The following MAK variants were observed in gnomAD, a reference collection of about 807,000 sequenced individuals.
MAK encodes the protein serine/threonine-protein kinase MAK.
Under a neutral mutation model 82.6 loss-of-function variants are expected in MAK, and 65 were observed. The observed-to-expected ratio is 0.79, with a 90% confidence interval of 0.64 to 0.97. The LOEUF is 0.97. Ranked by LOEUF, MAK falls within the 50% of genes least tolerant of loss-of-function variation. The pLI is 0.00. For missense variants in MAK, 703 were observed against 780.2 expected (o/e 0.90, Z 1.18); for synonymous variants, 250 against 274.2 (o/e 0.91, Z 0.87).
At chr6:10,803,588 G>T in intron 7 of MAK, 132 bp downstream of exon 7, 3 of 694,048 alleles carry the variant, frequency 4.3e-6, no homozygotes, top group Non-Finnish European at 4.9e-6. Flanking sequence ...ATTAAAGTAT[G>T]AGCCTATTTC....
At chr6:10,783,359 T>C (rs1460358799) in intron 11 of MAK, among the ~76,000 whole-genome samples, 1 of 152,128 alleles carries the variant, frequency 6.6e-6, no homozygotes, top group African/African-American at 2.4e-5. Context: ...CAGGCGCCCA[T>C]TAGATGGATC....
chr6:10,815,911 A>AATATATATATATATATATATATAT (rs1561991497), intron 4 of MAK, among the ~76,000 whole-genome samples: 6 of 78,186 alleles, frequency 7.7e-5, no homozygotes, highest in South Asian at 4.1e-4. Flanking sequence ...AGCTTTATAC[A>AATATATATATATATATATATATAT]GTATATATAT....
At chr6:10,802,998 C>T (rs751151423) in intron 7 of MAK, among the ~76,000 whole-genome samples, 11 of 152,058 alleles carry the variant, frequency 7.2e-5, no homozygotes, top group Non-Finnish European at 1.6e-4. Flanking sequence ...AAACAAGAAA[C>T]GGTTAAGAAA....
At chr6:10,836,510 A>T (rs1314908617) in intron 1 of MAK, among the ~76,000 whole-genome samples, 1 of 152,192 alleles carries the variant, frequency 6.6e-6, no homozygotes, top group African/African-American at 2.4e-5. Flanking sequence ...CACATAAGCA[A>T]CTACTTTTAT....
chr6:10,796,707 G>A (rs1307254712), intron 8 of MAK, among the ~76,000 whole-genome samples: 1 of 151,688 alleles, frequency 6.6e-6, no homozygotes, highest in African/African-American at 2.4e-5. Flanking sequence ...ACGGGAGGGT[G>A]AGGCATGAGA....
At chr6:10,820,066 C>T (rs753795238) in intron 2 of MAK, among the ~76,000 whole-genome samples, 14 of 150,286 alleles carry the variant, frequency 9.3e-5, no homozygotes, top group Non-Finnish European at 1.5e-4. Flanking sequence ...GAGCCGAGAT[C>T]GCGCCACTGC....
At chr6:10,814,015 G>T (rs1306431325) in intron 4 of MAK, among the ~76,000 whole-genome samples, 2 of 151,752 alleles carry the variant, frequency 1.3e-5, no homozygotes, top group Admixed American at 1.3e-4. Flanking sequence ...TGTTGCACAG[G>T]CTGGAGTGCA....
At position 10,780,258 on chromosome 6, in the gene MAK, T is replaced by C. The variant is rs1046507840; in HGVS notation, c.1465+4166A>G. On this transcript the variant is annotated intron_variant, in intron 11 of 14. Coordinates refer to ENST00000354489, the MANE Select transcript of MAK (RefSeq NM_001242957.3). ...ATCCCAAGTAATTTGCAGACTTTGTTAGATTTCTAGTTAAAAAGGAAATGA... is the reference window on the plus strand; with the variant it reads ...ATCCCAAGTAATTTGCAGACTTTGTCAGATTTCTAGTTAAAAAGGAAATGA... 25 of 983,008 alleles carry C rather than the reference T, an allele frequency of 2.5e-5. No homozygotes were observed. The African/African-American group carries it at 4.0e-4, about 16-fold the overall frequency. 60.9% of individuals were successfully genotyped at this position (983,008 alleles called of 1,614,324 possible).
chr6:10,813,120 ATATATATATATATAAATTTTTTTTTTTTT>A (rs1777139082), intron 5 of MAK, among the ~76,000 whole-genome samples: 8 of 1,588 alleles, frequency 5.0e-3, no homozygotes, highest in African/African-American at 0.022. Context: ...ATATATATAT[ATATATATATATATAAATTTTTTTTTTTTT>A]TTTTTTTTTT....
At chr6:10,803,086 A>G (rs974364406) in intron 7 of MAK, among the ~76,000 whole-genome samples, 2 of 152,206 alleles carry the variant, frequency 1.3e-5, no homozygotes. Context: ...GAGCTCAAGC[A>G]AGGCTGTCTG....
rs1360084918 is a variant in MAK at position 10,762,724 on chromosome 6, T to G, written c.*1728A>C. ...AAAAACATAATGAAAACACACTAGT[T>G]AGCCATATTTTTTTTAATGCCTATT... On this transcript the variant is annotated 3_prime_UTR_variant, in exon 15 of 15. Transcript: ENST00000354489. 1 of 152,564 alleles carries G rather than the reference T, an allele frequency of 6.6e-6. No individual in the cohort carries two copies. The highest frequency in any genetic ancestry group is 1.5e-5 in the Non-Finnish European group (1 of 68,034). 9.5% of individuals were successfully genotyped at this position (152,564 alleles called of 1,614,324 possible).
At chr6:10,815,713 TG>T (rs1777417386) in intron 4 of MAK, among the ~76,000 whole-genome samples, 1 of 151,368 alleles carries the variant, frequency 6.6e-6, no homozygotes, top group Admixed American at 6.6e-5. Context: ...CCTCCCGCCT[TG>T]GCCTCTCAAA....
chr6:10,778,314 T>C (rs1039137890), intron 11 of MAK, among the ~76,000 whole-genome samples: 1 of 152,198 alleles, frequency 6.6e-6, no homozygotes, highest in Non-Finnish European at 1.5e-5. Context: ...TGCATCATGT[T>C]TAGAAGAATC....
intron 13 of MAK, among the ~76,000 whole-genome samples, chr6:10,771,648 T>C (rs1426340822): frequency 1.3e-5 from 2 of 152,224 alleles, no homozygotes; most frequent in African/African-American, 4.8e-5. Flanking sequence ...CCGTTGTCTC[T>C]CACGGCATAT....
Position 10,796,166 on chromosome 6 carries a change from C to A in MAK, c.975G>T (p.Pro325=). 6.2e-7 allele frequency: 1 copy of A among 1,614,150 alleles called. No homozygotes were observed. Among genetic ancestry groups the A allele is most frequent in the Non-Finnish European group, 8.5e-7 (1 of 1,180,028 alleles). ...SLVEVEPKPL[P]DIIDQVVGQP... ...GTCCAACAACCTGATCGATTATATC[C>A]GGCAGAGGCTTAGGCTCTACCTCAA... The change falls in exon 9 of 15, where the codon CCG becomes CCT. Residue 325 remains proline, a synonymous_variant. Transcript: ENST00000354489.
intron 2 of MAK, among the ~76,000 whole-genome samples, chr6:10,819,269 A>G (rs1233477552): frequency 3.3e-5 from 5 of 152,244 alleles, no homozygotes; most frequent in African/African-American, 1.2e-4. Flanking sequence ...AGAGGCCCAT[A>G]AAGTTAAATG....
Position 10,796,088 on chromosome 6 carries a change from C to G in MAK, c.1053G>C (p.Gln351His), listed in dbSNP as rs756648303. 6.2e-7 allele frequency: 1 copy of G among 1,614,078 alleles called. No homozygotes were observed. Among genetic ancestry groups the G allele is most frequent in the South Asian group, 1.1e-5 (1 of 91,070 alleles). ...TTGGAGGTTGCTGGACGCTCAGGTT[C>G]TGTGGCGGCTGAATGGGCTGCAGTG... ...QQPLQPIQPP[Q>H]NLSVQQPPKQ... Residue 351 changes from glutamine (Q) to histidine (H), a missense_variant, in exon 9 of 15, where the codon CAG becomes CAC. Gln to His is a conservative substitution (Grantham distance 24). Transcript: ENST00000354489.
At chr6:10,777,800 G>A (rs908301165) in intron 11 of MAK, among the ~76,000 whole-genome samples, 4 of 151,960 alleles carry the variant, frequency 2.6e-5, no homozygotes, top group East Asian at 1.9e-4. Flanking sequence ...CATCACGCCC[G>A]GCTAATTTTG....
chr6:10,774,416 C>A (rs1007054725), intron 12 of MAK, among the ~76,000 whole-genome samples: 1 of 152,072 alleles, frequency 6.6e-6, no homozygotes, highest in African/African-American at 2.4e-5. Context: ...ATATTTATTG[C>A]TGGAATCACA....
Sources: gnomAD v4.1 joint callset for allele counts (sites outside exome capture counted in the v4.1 genomes callset) on GRCh38, gnomAD v4.1.1 for gene constraint, MANE v1.5 for transcripts, NCBI Gene and HGNC (gene_info 2026-07-23, HGNC 2026-07-21) for gene names.